Variants in COLEC12 observed in about 807,000 individuals in gnomAD.
COLEC12 encodes the protein collectin-12.
In COLEC12, 33 loss-of-function variants were observed where a neutral mutation model predicts 71.1. The observed-to-expected ratio is 0.46, with a 90% CI of 0.35 to 0.62. COLEC12 has a LOEUF of 0.62. Ranked by LOEUF, COLEC12 falls within the 20% of genes least tolerant of loss-of-function variation. COLEC12 has a pLI of 0.00. For synonymous variants in COLEC12, 350 were observed against 353.0 expected (o/e 0.99, Z 0.10); for missense variants, 765 against 916.1 (o/e 0.84, Z 2.13).
intron 2 of COLEC12, among the ~76,000 whole-genome samples, chr18:475,365 G>C (rs1056003740): frequency 5.3e-5 from 8 of 152,188 alleles, no homozygotes; most frequent in Non-Finnish European, 7.3e-5. Flanking sequence ...ATTCCCATCA[G>C]GGAATGGGTC....
At chr18:438,800 C>T (rs1309490898) in intron 2 of COLEC12, among the ~76,000 whole-genome samples, 1 of 83,632 alleles carries the variant, frequency 1.2e-5, no homozygotes, top group Non-Finnish European at 2.8e-5. Context: ...AAGACCTTGT[C>T]TCAAAAAAAA....
intron 3 of COLEC12, 87 bp downstream of exon 3, chr18:357,313 T>C: frequency 7.9e-7 from 1 of 1,263,738 alleles, no homozygotes; most frequent in East Asian, 2.4e-5. Flanking sequence ...AATGAAATAC[T>C]TCGTATTTGC....
chr18:401,889 G>C (rs1203759119), intron 2 of COLEC12, among the ~76,000 whole-genome samples: 1 of 152,154 alleles, frequency 6.6e-6, no homozygotes, highest in Non-Finnish European at 1.5e-5. Context: ...GGACCTGAGA[G>C]GGCCTGAAAG....
At chr18:355,024 G>A (rs1183471297) in intron 3 of COLEC12, among the ~76,000 whole-genome samples, 1 of 151,544 alleles carries the variant, frequency 6.6e-6, no homozygotes, top group Non-Finnish European at 1.5e-5. Context: ...CAGCCCTAAT[G>A]CACAATCCAT....
At chr18:353,821 C>T (rs1029263992) in intron 3 of COLEC12, among the ~76,000 whole-genome samples, 1 of 152,198 alleles carries the variant, frequency 6.6e-6, no homozygotes, top group Non-Finnish European at 1.5e-5. Flanking sequence ...ACCTTGAACA[C>T]CATTTTAGGT....
chr18:461,861 A>G (rs971729986), intron 2 of COLEC12, among the ~76,000 whole-genome samples: 1 of 152,196 alleles, frequency 6.6e-6, no homozygotes, highest in African/African-American at 2.4e-5. Flanking sequence ...ATATAACAGG[A>G]ACTTAGGGAA....
intron 2 of COLEC12, among the ~76,000 whole-genome samples, chr18:463,081 G>A (rs770645079): frequency 3.9e-5 from 6 of 152,324 alleles, no homozygotes; most frequent in Non-Finnish European, 5.9e-5. Context: ...GGCTGAAACC[G>A]AGAGGGTTCA....
Position 399,245 on chromosome 18 carries a change from G to A in COLEC12, c.59-41723C>T, listed in dbSNP as rs7238560. Among the ~76,000 whole-genome samples, 36,325 of 152,222 alleles carry A rather than the reference G, an allele frequency of 0.24. 5,457 individuals are homozygous for A. Among genetic ancestry groups the A allele is most frequent in the South Asian group, 0.45 (2,185 of 4,820 alleles). The stretch of plus-strand genomic sequence containing the variant: ...CTGCTACGTGGGTCTCAGGCTAAGC[G>A]TAAGATGCTATTGATGGAATGAACT... On this transcript the variant is annotated intron_variant, in intron 2 of 9. Coordinates refer to ENST00000400256, the MANE Select transcript of COLEC12 (RefSeq NM_130386.3). The surrounding 1 kb of genome is among the most constrained non-coding windows in gnomAD (Gnocchi z 4.0).
intron 2 of COLEC12, among the ~76,000 whole-genome samples, chr18:395,569 C>A (rs1040681169): frequency 2.6e-5 from 4 of 152,220 alleles, no homozygotes; most frequent in Non-Finnish European, 5.9e-5. Context: ...GTTCACAGCT[C>A]ATGCATTCCA....
At chr18:343,292 G>A (rs1476815998) in intron 5 of COLEC12, among the ~76,000 whole-genome samples, 1 of 152,150 alleles carries the variant, frequency 6.6e-6, no homozygotes, top group Non-Finnish European at 1.5e-5. Flanking sequence ...TTGAGGCCGA[G>A]GACTCCTCAC....
intron 1 of COLEC12, among the ~76,000 whole-genome samples, chr18:488,936 G>C (rs1016173495): frequency 6.6e-6 from 1 of 152,032 alleles, no homozygotes; most frequent in Non-Finnish European, 1.5e-5. Flanking sequence ...TATAACAGGT[G>C]TTTCCCGGAA....
At chr18:464,471 C>T (rs1352534293) in intron 2 of COLEC12, among the ~76,000 whole-genome samples, 1 of 152,206 alleles carries the variant, frequency 6.6e-6, no homozygotes, top group Non-Finnish European at 1.5e-5. Context: ...AAGGCACTTT[C>T]TCCCACTGAC....
intron 2 of COLEC12, among the ~76,000 whole-genome samples, chr18:442,817 C>T (rs768127777): frequency 2.3e-4 from 35 of 152,168 alleles, no homozygotes; most frequent in Middle Eastern, 3.2e-3. Flanking sequence ...AAAAATTGGT[C>T]GGGCGTGGCG....
At chr18:483,061 T>G (rs1471856281) in intron 1 of COLEC12, among the ~76,000 whole-genome samples, 2 of 152,152 alleles carry the variant, frequency 1.3e-5, no homozygotes, top group African/African-American at 2.4e-5. Context: ...ATAAACACAA[T>G]GTGGTGAAGC....
intron 2 of COLEC12, among the ~76,000 whole-genome samples, chr18:370,481 G>A (rs184235155): frequency 4.6e-5 from 7 of 152,224 alleles, no homozygotes; most frequent in Middle Eastern, 3.4e-3. Context: ...CCACTTCCCC[G>A]GTGAATATGG....
Position 327,044 on chromosome 18 carries a change from T to C in COLEC12, c.2063+4624A>G, listed in dbSNP as rs1913861409. 6.6e-6 allele frequency among the ~76,000 whole-genome samples: 1 copy of C among 152,222 alleles called. No individual in the cohort carries two copies. Among genetic ancestry groups the C allele is most frequent in the Non-Finnish European group, 1.5e-5 (1 of 68,042 alleles). On this transcript the variant is annotated intron_variant, in intron 8 of 9. Coordinates refer to ENST00000400256, the MANE Select transcript of COLEC12 (RefSeq NM_130386.3). The surrounding 1 kb of genome is among the most constrained non-coding windows in gnomAD (Gnocchi z 4.0). ...GCAGGCCAGCACAGAGGCTGGCTCA[T>C]GGCAGACACTTCAAGATAATCCATC...
At chr18:369,580 C>T (rs1204808794) in intron 2 of COLEC12, among the ~76,000 whole-genome samples, 4 of 151,892 alleles carry the variant, frequency 2.6e-5, no homozygotes, top group African/African-American at 9.7e-5. Context: ...GGTATATCTC[C>T]CAATGCTATG....
At chr18:402,301 G>A (rs1037835249) in intron 2 of COLEC12, among the ~76,000 whole-genome samples, 2 of 152,086 alleles carry the variant, frequency 1.3e-5, no homozygotes, top group African/African-American at 4.8e-5. Context: ...GTAGGCCCAT[G>A]ACCAGTCTGG....
chr18:342,632 A>G (rs184228835), intron 5 of COLEC12, among the ~76,000 whole-genome samples: 20 of 152,380 alleles, frequency 1.3e-4, no homozygotes, highest in African/African-American at 4.3e-4. Context: ...AAAGGTGTGG[A>G]AGAAAACACT....
Sources: allele counts gnomAD v4.1 joint callset (sites outside exome capture counted in the v4.1 genomes callset), GRCh38; gene constraint gnomAD v4.1.1; non-coding constraint Gnocchi (gnomAD v3.1); transcripts MANE v1.5; gene names NCBI Gene and HGNC (gene_info 2026-07-23, HGNC 2026-07-21).